Variants in ADAMTSL1 observed in about 807,000 individuals in gnomAD.
ADAMTSL1 encodes ADAMTS-like protein 1.
ADAMTSL1 carries 126 observed loss-of-function variants against 201.8 expected under a neutral mutation model. The observed-to-expected ratio is 0.62, with a 90% CI of 0.54 to 0.72. The LOEUF (loss-of-function observed/expected upper bound fraction) is 0.72, where lower values mean the gene tolerates loss of function less well. Ranked by LOEUF, ADAMTSL1 falls within the 30% of genes least tolerant of loss-of-function variation. The pLI, the probability that ADAMTSL1 is intolerant of heterozygous loss-of-function variation, is 0.00. For synonymous variants in ADAMTSL1, 1,121 were observed against 903.4 expected, an observed-to-expected ratio of 1.24 and a Z score of -4.32; for missense variants, 2,679 against 2,277.8, an observed-to-expected ratio of 1.18 and a Z score of -3.59.
chr9:17,965,266 T>C (rs919924377), intron 1 of ADAMTSL1, among the ~76,000 whole-genome samples: 2 of 152,114 alleles, frequency 1.3e-5, no homozygotes, highest in African/African-American at 2.4e-5. Flanking sequence ...TATACCAGAA[T>C]AAAAGCAAAA....
At chr9:18,301,727 G>A (rs568894608) in intron 2 of ADAMTSL1, among the ~76,000 whole-genome samples, 1 of 152,274 alleles carries the variant, frequency 6.6e-6, no homozygotes, top group African/African-American at 2.4e-5. Flanking sequence ...TAACCACTTA[G>A]AGGAAATACT....
chr9:18,900,802 G>A (rs570940703), intron 26 of ADAMTSL1, among the ~76,000 whole-genome samples: 3 of 151,962 alleles, frequency 2.0e-5, no homozygotes, highest in South Asian at 4.2e-4. Context: ...GGAGGAGGGA[G>A]AGCATCAAGA....
In ADAMTSL1 at chr9:18,826,025, T is replaced by C. The variant is rs142086866; in HGVS notation, c.3935-259T>C. ...CTCTTCCTGTCTCATCACTGTAAGT[T>C]TAAAAGGCAAAAGATCTGGAGACAA... is the stretch of plus-strand genomic sequence containing the variant. On this transcript the variant is annotated intron_variant, in intron 21 of 28. Coordinates refer to ENST00000380548, the MANE Select transcript of ADAMTSL1 (RefSeq NM_001040272.6). 1.3e-3 allele frequency: 756 copies of C among 589,552 alleles called. 6 individuals carry two copies. Among genetic ancestry groups the C allele is most frequent in the African/African-American group, 0.012 (652 of 53,874 alleles). The allele number at this position is 589,552 out of a possible 1,614,324, so 36.5% of individuals were successfully genotyped here. A position where few individuals can be genotyped will look rare whatever the true frequency, so the allele number is the denominator to read the frequency against.
intron 1 of ADAMTSL1, among the ~76,000 whole-genome samples, chr9:17,993,468 C>T (rs1265206375): frequency 1.4e-5 from 2 of 146,212 alleles, no homozygotes; most frequent in East Asian, 3.9e-4. Context: ...GTTTACAGTT[C>T]TATTCAAATA....
At chr9:17,939,207 A>G (rs1169759174) in intron 1 of ADAMTSL1, among the ~76,000 whole-genome samples, 2 of 152,052 alleles carry the variant, frequency 1.3e-5, no homozygotes, top group East Asian at 3.9e-4. Flanking sequence ...CTTGTTTCTT[A>G]CTTGGTCCCT....
chr9:18,137,008 G>A lies in ADAMTSL1; in HGVS notation c.88-26854G>A, dbSNP rs182434277. Among the ~76,000 whole-genome samples, 12 of 152,220 alleles carry A rather than the reference G, an allele frequency of 7.9e-5. No homozygotes were observed. In the East Asian group the frequency reaches 2.1e-3, roughly 27 times the overall value. The stretch of plus-strand genomic sequence containing the variant: ...CAGGGTGTCTGAGTATCATGGGAAG[G>A]GAAGGGAAAGAGTTGAAGCAAGACA... On this transcript the variant is annotated intron_variant, in intron 1 of 29. Transcript: ENST00000680146.
chr9:18,375,607 G>A (rs1045901238), intron 2 of ADAMTSL1, among the ~76,000 whole-genome samples: 1 of 152,044 alleles, frequency 6.6e-6, no homozygotes, highest in Non-Finnish European at 1.5e-5. Flanking sequence ...TTGTGGTCTC[G>A]CTGACTTCAG....
chr9:18,824,579 T>G (rs1161574159), intron 21 of ADAMTSL1, among the ~76,000 whole-genome samples: 1 of 152,074 alleles, frequency 6.6e-6, no homozygotes, highest in African/African-American at 2.4e-5. Context: ...AAACTGCCCT[T>G]GCCCCAAAGG....
At chr9:18,152,350 C>T (rs1826952643) in intron 1 of ADAMTSL1, among the ~76,000 whole-genome samples, 1 of 151,976 alleles carries the variant, frequency 6.6e-6, no homozygotes, top group African/African-American at 2.4e-5. Context: ...GCACAGGGCA[C>T]TGCAAAGTTC....
intron 1 of ADAMTSL1, among the ~76,000 whole-genome samples, chr9:18,049,207 A>T: frequency 6.6e-6 from 1 of 152,206 alleles, no homozygotes; most frequent in East Asian, 1.9e-4. Flanking sequence ...ATAAGGTCAC[A>T]TTCCCAGTTA....
intron 5 of ADAMTSL1, among the ~76,000 whole-genome samples, chr9:18,623,176 T>A (rs955245092): frequency 6.6e-6 from 1 of 151,970 alleles, no homozygotes; most frequent in Non-Finnish European, 1.5e-5. Flanking sequence ...ATTACAGGCA[T>A]GAGCCACTGT....
chr9:18,777,444 T>A lies in ADAMTSL1; in HGVS notation c.3215T>A (p.Val1072Glu). 1 of 1,598,014 alleles carries A rather than the reference T, an allele frequency of 6.3e-7. No individual in the cohort carries two copies. The highest frequency in any genetic ancestry group is 1.1e-5 in the South Asian group (1 of 88,606). Residue 1072 changes from valine (V) to glutamate (E), a missense_variant, in exon 19 of 29, where the codon GTG becomes GAG. Val to Glu is a moderately radical substitution (Grantham distance 121). Transcript: ENST00000380548. ...CTCCTGCACCTGCCCTTCACCATGG[T>A]GACCGAGCAGCGGCGCCTGGACGAC... The part of the protein sequence containing the change: ...QVLLHLPFTM[V>E]TEQRRLDDIL...
chr9:18,043,751 T>C (rs146666204), intron 1 of ADAMTSL1, among the ~76,000 whole-genome samples: 4,331 of 152,206 alleles, frequency 0.028, 80 homozygotes, highest in Non-Finnish European at 0.041. Context: ...TTGTGGATAA[T>C]ACTTTTGCTA....
At chr9:18,471,841 T>C (rs1821229059), upstream of ADAMTSL1, among the ~76,000 whole-genome samples, 2 of 152,220 alleles carry the variant, frequency 1.3e-5, no homozygotes, top group East Asian at 1.9e-4. Context: ...CCATTAAAAC[T>C]TCAAGGCAGA....
intron 1 of ADAMTSL1, among the ~76,000 whole-genome samples, chr9:18,099,271 C>T (rs1386285475): frequency 5.0e-5 from 7 of 141,394 alleles, no homozygotes; most frequent in Non-Finnish European, 1.1e-4. Context: ...TGATTAGAAT[C>T]TCATTTTCTT....
chr9:18,581,747 A>G (rs1377990648), intron 4 of ADAMTSL1, among the ~76,000 whole-genome samples: 1 of 152,216 alleles, frequency 6.6e-6, no homozygotes. Context: ...AAGGGATCAT[A>G]GGTCCTAAGC....
chr9:18,371,846 T>A (rs796781871), intron 2 of ADAMTSL1, among the ~76,000 whole-genome samples: 1 of 152,128 alleles, frequency 6.6e-6, no homozygotes, highest in African/African-American at 2.4e-5. Context: ...ATATGTTACA[T>A]AAATAAAACG....
At chr9:18,400,125 C>T (rs894767929) in intron 2 of ADAMTSL1, among the ~76,000 whole-genome samples, 1 of 109,732 alleles carries the variant, frequency 9.1e-6, no homozygotes, top group African/African-American at 3.3e-5. Flanking sequence ...TAGCAACTCC[C>T]TCTTTCCAAA....
At chr9:18,578,764 A>C (rs1822898376) in intron 4 of ADAMTSL1, among the ~76,000 whole-genome samples, 1 of 151,778 alleles carries the variant, frequency 6.6e-6, no homozygotes, top group African/African-American at 2.4e-5. Flanking sequence ...TGGCTGGGTC[A>C]AATGGTATTT....
Sources: allele counts gnomAD v4.1 joint callset (sites outside exome capture counted in the v4.1 genomes callset), GRCh38; gene constraint gnomAD v4.1.1; transcripts MANE v1.5; gene names NCBI Gene and HGNC (gene_info 2026-07-23, HGNC 2026-07-21).